Variants in DGKB observed in about 807,000 individuals in gnomAD.
DGKB encodes the protein 90 kDa diacylglycerol kinase.
A neutral mutation model predicts 114.3 loss-of-function variants in DGKB; 67 were observed. The ratio of observed to expected loss-of-function variants is 0.59; its 90% CI spans 0.48 to 0.72. The LOEUF (loss-of-function observed/expected upper bound fraction) is 0.72, where lower values mean the gene tolerates loss of function less well. Among genes scored for constraint, DGKB ranks in the 30% least tolerant of loss-of-function variants. The pLI, the probability that DGKB is intolerant of heterozygous loss-of-function variation, is 0.00. For synonymous variants in DGKB, 398 were observed against 323.1 expected (o/e 1.23, Z -2.49); for missense variants, 907 against 975.2 (o/e 0.93, Z 0.93).
chr7:14,487,616 T>C, intron 20 of DGKB, among the ~76,000 whole-genome samples: 1 of 143,678 alleles, frequency 7.0e-6, no homozygotes, highest in East Asian at 2.1e-4. Flanking sequence ...ACAGAATCTC[T>C]CCCTGTCACC....
At chr7:14,926,087 G>T (rs1293351991) in intron 1 of DGKB, among the ~76,000 whole-genome samples, 1 of 151,856 alleles carries the variant, frequency 6.6e-6, no homozygotes, top group African/African-American at 2.4e-5. Context: ...TAGTTTGCAG[G>T]GAGTTTTTAT....
intron 21 of DGKB, among the ~76,000 whole-genome samples, chr7:14,378,259 C>T (rs1445321092): frequency 1.3e-5 from 2 of 152,128 alleles, no homozygotes; most frequent in Non-Finnish European, 2.9e-5. Context: ...CATTGATTCT[C>T]TTTTGAGATC....
At chr7:14,528,157 G>T (rs896240809) in intron 20 of DGKB, among the ~76,000 whole-genome samples, 1 of 151,984 alleles carries the variant, frequency 6.6e-6, no homozygotes, top group African/African-American at 2.4e-5. Flanking sequence ...GTATTCATTT[G>T]CCAAGTCAAA....
chr7:14,590,895 T>TC (rs141481905), intron 17 of DGKB, among the ~76,000 whole-genome samples: 184 of 152,136 alleles, frequency 1.2e-3, no homozygotes, highest in African/African-American at 4.4e-3. Context: ...CTCCTCTATT[T>TC]CCCCACCTCC....
intron 20 of DGKB, among the ~76,000 whole-genome samples, chr7:14,567,519 A>G (rs1584867281): frequency 1.1e-5 from 1 of 95,128 alleles, no homozygotes; most frequent in Non-Finnish European, 2.0e-5. Context: ...TTATATATTT[A>G]TATATTATAA....
At chr7:14,371,688 A>G (rs770874349) in intron 21 of DGKB, among the ~76,000 whole-genome samples, 5 of 152,086 alleles carry the variant, frequency 3.3e-5, no homozygotes, top group Non-Finnish European at 7.4e-5. Flanking sequence ...ATTAGGTCCC[A>G]CTTGATAATT....
intron 2 of DGKB, among the ~76,000 whole-genome samples, chr7:14,776,227 G>C (rs184472748): frequency 2.0e-5 from 3 of 152,276 alleles, no homozygotes; most frequent in African/African-American, 7.2e-5. Flanking sequence ...AGAGGAAGCA[G>C]AGAATGAAAG....
At chr7:14,163,944 G>C (rs139099826) in intron 25 of DGKB, among the ~76,000 whole-genome samples, 1,800 of 151,786 alleles carry the variant, frequency 0.012, 18 homozygotes, top group Non-Finnish European at 0.019. Context: ...GCAGTGAGCC[G>C]AGATCATGCC....
At chr7:14,581,885 G>A (rs1799985465) in intron 18 of DGKB, among the ~76,000 whole-genome samples, 1 of 151,932 alleles carries the variant, frequency 6.6e-6, no homozygotes, top group Non-Finnish European at 1.5e-5. Flanking sequence ...TTGAATTCTG[G>A]TTGTCTTCTC....
At chr7:14,936,626 G>A (rs1174847246) in intron 1 of DGKB, among the ~76,000 whole-genome samples, 1 of 152,146 alleles carries the variant, frequency 6.6e-6, no homozygotes, top group African/African-American at 2.4e-5. Flanking sequence ...GGTGGTCATA[G>A]CTCAGGATTG....
intron 1 of DGKB, among the ~76,000 whole-genome samples, chr7:14,899,176 C>T (rs566480420): frequency 6.6e-6 from 1 of 152,156 alleles, no homozygotes; most frequent in Admixed American, 6.6e-5. Flanking sequence ...TGTTTTTATC[C>T]TCACCAGTTA....
chr7:14,647,430 T>G (rs1194836696), intron 13 of DGKB, among the ~76,000 whole-genome samples: 1 of 152,256 alleles, frequency 6.6e-6, no homozygotes, highest in African/African-American at 2.4e-5. Flanking sequence ...CCAATTATTT[T>G]TAAATTACTC....
intron 20 of DGKB, among the ~76,000 whole-genome samples, chr7:14,503,397 C>G (rs1363370096): frequency 6.6e-6 from 1 of 152,128 alleles, no homozygotes; most frequent in Non-Finnish European, 1.5e-5. Flanking sequence ...TGCTTTCTCT[C>G]TTCTATAACA....
chr7:14,175,939 G>C (rs1781665489), intron 25 of DGKB: 1 of 151,672 alleles, frequency 6.6e-6, no homozygotes, highest in Non-Finnish European at 1.5e-5. Context: ...TGAGTAGCTG[G>C]GACTACAGGT....
intron 23 of DGKB, among the ~76,000 whole-genome samples, chr7:14,203,706 T>C (rs1031740072): frequency 6.6e-6 from 1 of 151,922 alleles, no homozygotes; most frequent in Non-Finnish European, 1.5e-5. Flanking sequence ...ACTGGGGCCA[T>C]GGAAAACATC....
chr7:14,740,015 A>G (rs537230496), intron 4 of DGKB, among the ~76,000 whole-genome samples: 31 of 152,322 alleles, frequency 2.0e-4, no homozygotes, highest in African/African-American at 7.0e-4. Context: ...ACAGCCATGC[A>G]GGGCGGGACT....
intron 20 of DGKB, among the ~76,000 whole-genome samples, chr7:14,526,586 G>T (rs576839765): frequency 6.6e-6 from 1 of 152,206 alleles, no homozygotes; most frequent in South Asian, 2.1e-4. Flanking sequence ...ACACCTTTAA[G>T]AGTAAATATT....
At chr7:14,806,888 T>C (rs1180975109) in intron 2 of DGKB, among the ~76,000 whole-genome samples, 1 of 151,954 alleles carries the variant, frequency 6.6e-6, no homozygotes, top group Non-Finnish European at 1.5e-5. Flanking sequence ...GCATTTGTTG[T>C]AGGGATAAGC....
intron 17 of DGKB, among the ~76,000 whole-genome samples, chr7:14,601,856 A>G (rs894630190): frequency 6.6e-6 from 1 of 152,138 alleles, no homozygotes; most frequent in Non-Finnish European, 1.5e-5. Context: ...CCATATTTCT[A>G]GCAACATTTT....
Sources: allele counts gnomAD v4.1 joint callset (sites outside exome capture counted in the v4.1 genomes callset), GRCh38; gene constraint gnomAD v4.1.1; transcripts MANE v1.5; gene names NCBI Gene and HGNC (gene_info 2026-07-23, HGNC 2026-07-21).